SLC22A7: variants seen among roughly 807,000 people sequenced by gnomAD.
SLC22A7 encodes the protein solute carrier family 22 member 7, also known as hOAT2.
In SLC22A7, 48 loss-of-function variants were observed where a neutral mutation model predicts 62.2. The observed-to-expected ratio is 0.77, with a 90% CI of 0.61 to 0.98. The LOEUF (loss-of-function observed/expected upper bound fraction) is 0.98, where lower values mean the gene tolerates loss of function less well. Ranked by LOEUF, SLC22A7 falls within the 50% of genes least tolerant of loss-of-function variation. The pLI is 0.00. For missense variants in SLC22A7, 581 were observed against 703.8 expected, an observed-to-expected ratio of 0.83 and a Z score of 1.97; for synonymous variants, 276 against 314.8, an observed-to-expected ratio of 0.88 and a Z score of 1.30.
chr6:43,300,101 C>T (rs1209367841), intron 5 of SLC22A7, 35 bp downstream of exon 5: 2 of 1,605,110 alleles, frequency 1.2e-6, no homozygotes, highest in Non-Finnish European at 1.7e-6. Context: ...GCGGGAGATA[C>T]AGGAAGTGAA....
At chr6:43,303,288 C>T (rs914301287) in intron 9 of SLC22A7, 126 of 295,872 alleles carry the variant, frequency 4.3e-4, no homozygotes, top group African/African-American at 2.7e-3. Context: ...TGGTGAAACC[C>T]TGTCTCTGCT....
At position 43,302,536 on chromosome 6, in the gene SLC22A7, A is replaced by G; in HGVS notation, c.1277-119A>G. 2.5e-6 allele frequency: 3 copies of G among 1,177,462 alleles called. No individual in the cohort carries two copies. Among genetic ancestry groups the G allele is most frequent in the Non-Finnish European group, 3.6e-6 (3 of 829,932 alleles). 72.9% of individuals were successfully genotyped at this position (1,177,462 alleles called of 1,614,324 possible). A position where few individuals can be genotyped will look rare whatever the true frequency, so the allele number is the denominator to read the frequency against. On this transcript the variant is annotated intron_variant, in intron 8 of 10. Transcript: ENST00000372585. The surrounding 1 kb of genome is among the most constrained non-coding windows in gnomAD (Gnocchi z 5.0). ...CTCCCCCAGATCCCTGCTCTTACCCAGTGAGCTCAGACTCTCCACCACTTA... is the reference window on the plus strand; with the variant it reads ...CTCCCCCAGATCCCTGCTCTTACCCGGTGAGCTCAGACTCTCCACCACTTA...
At chr6:43,301,419 G>A (rs773094665) in intron 6 of SLC22A7, 161 bp downstream of exon 6, 2 of 1,140,776 alleles carry the variant, frequency 1.8e-6, no homozygotes, top group Non-Finnish European at 2.5e-6. Context: ...GGCTCCAGTG[G>A]GCCACATCCA....
intron 7 of SLC22A7, 76 bp downstream of exon 7, chr6:43,301,768 G>A (rs1354829839): frequency 2.9e-6 from 3 of 1,046,730 alleles, no homozygotes; most frequent in African/African-American, 3.1e-5. Flanking sequence ...CTGAGTGTGA[G>A]AAGGGCTCTG....
chr6:43,298,054 A>C, upstream of SLC22A7: 2 of 310,400 alleles, frequency 6.4e-6, no homozygotes, highest in Non-Finnish European at 1.2e-5. Flanking sequence ...TCACCCAGCT[A>C]CCTCATCATG....
intron 1 of SLC22A7, 93 bp downstream of exon 1, chr6:43,298,844 A>G: frequency 1.3e-6 from 2 of 1,491,992 alleles, no homozygotes; most frequent in Non-Finnish European, 1.8e-6. Flanking sequence ...GTATTACTTT[A>G]CCTCTTAAAG....
rs1374597772 is a variant in SLC22A7, at chr6:43,299,361, A to T, written c.400-29A>T. 6.2e-7 allele frequency: 1 copy of T among 1,612,908 alleles called. No homozygotes were observed. Among genetic ancestry groups the T allele is most frequent in the Admixed American group, 1.7e-5 (1 of 59,998 alleles). ...CTGCTGGAGAGGGGCTGATGTTCATAGGAGGTCCCTTTCTGCCTGTCCTTG... is the reference window on the plus strand; with the variant it reads ...CTGCTGGAGAGGGGCTGATGTTCATTGGAGGTCCCTTTCTGCCTGTCCTTG... On this transcript the variant is annotated intron_variant, in intron 2 of 10. Coordinates refer to ENST00000372585, the MANE Select transcript of SLC22A7 (RefSeq NM_153320.2). The surrounding 1 kb of genome is among the most constrained non-coding windows in gnomAD (Gnocchi z 4.4).
chr6:43,304,067 T>C lies in SLC22A7; in HGVS notation c.1415T>C (p.Val472Ala), dbSNP rs768983831. ...ACAGGGATGGGGCTGACTGCACTGG[T>C]GGGCCGGCTGGGGGGCTCTTTGGCC... ...RQTGMGLTAL[V>A]GRLGGSLAPL... The change falls in exon 10 of 11, where the codon GTG (valine) becomes GCG (alanine). Residue 472 changes from valine (V) to alanine (A), a missense_variant. Val to Ala is a moderately conservative substitution (Grantham distance 64). Transcript: ENST00000372585. The C allele has an allele frequency of 1.3e-6, 2 of 1,588,268 alleles. No homozygotes were observed. Among genetic ancestry groups the C allele is most frequent in the Non-Finnish European group, 8.6e-7 (1 of 1,165,794 alleles).
intron 5 of SLC22A7, 93 bp from the exon 6 acceptor site, chr6:43,301,042 A>C: frequency 6.6e-7 from 1 of 1,524,320 alleles, no homozygotes; most frequent in East Asian, 2.3e-5. Flanking sequence ...CTACATGAGC[A>C]AGAGCCTGGA....
chr6:43,304,819 C>A lies in SLC22A7; in HGVS notation c.*94C>A. The A allele has an allele frequency of 9.7e-7, 1 of 1,031,694 alleles. No homozygotes were observed. The highest frequency in any genetic ancestry group is 1.4e-6 in the Non-Finnish European group (1 of 722,234). The allele number at this position is 1,031,694 out of a possible 1,614,324, so 63.9% of individuals were successfully genotyped here. A position where few individuals can be genotyped will look rare whatever the true frequency, so the allele number is the denominator to read the frequency against. On this transcript the variant is annotated 3_prime_UTR_variant, in exon 11 of 11. Coordinates refer to ENST00000372585, the MANE Select transcript of SLC22A7 (RefSeq NM_153320.2). Reference sequence around the variant, plus strand: ...TGCAACTCAGGCTGGGAGTATCGAACCCTCTGCCTAGGGCCGGAGTTGCTG... The same window carrying A: ...TGCAACTCAGGCTGGGAGTATCGAAACCTCTGCCTAGGGCCGGAGTTGCTG...
In SLC22A7 at chr6:43,298,443, GTGC is replaced by G; in HGVS notation, c.90_92del (p.Leu31del). 6.2e-7 allele frequency: 1 copy of G among 1,614,006 alleles called. No individual in the cohort carries two copies. The highest frequency in any genetic ancestry group is 8.5e-7 in the Non-Finnish European group (1 of 1,180,032). Reference sequence around the variant, plus strand: ...TGTGGCACTGCTGGCCCTGCCCCGAGTGCTGCTACCACTGCACTTCCTCCTGCC... The same window carrying G: ...TGTGGCACTGCTGGCCCTGCCCCGAGTGCTACCACTGCACTTCCTCCTGCC... On this transcript the variant is annotated inframe_deletion, in exon 1 of 11. Transcript: ENST00000372585.
intron 10 of SLC22A7, 27 bp from the exon 11 acceptor site, chr6:43,304,644 C>T (rs1398471730): frequency 6.2e-7 from 1 of 1,600,300 alleles, no homozygotes; most frequent in Non-Finnish European, 8.5e-7. Flanking sequence ...TAAACCCCAC[C>T]ATTGCTCACA....
In SLC22A7 at chr6:43,302,673, C is replaced by G; in HGVS notation, c.1295C>G (p.Thr432Ser). The G allele has an allele frequency of 6.2e-7, 1 of 1,604,370 alleles. No homozygotes were observed. Among genetic ancestry groups the G allele is most frequent in the South Asian group, 1.1e-5 (1 of 89,444 alleles). The change falls in exon 9 of 11, where the codon ACT (threonine) becomes AGT (serine). Residue 432 changes from threonine (T) to serine (S), a missense_variant. Thr to Ser is a moderately conservative substitution (Grantham distance 58). Transcript: ENST00000372585. The surrounding 1 kb of genome is among the most constrained non-coding windows in gnomAD (Gnocchi z 5.0). ...CCTCCAGATATGAAGTCCTGGAGCA[C>G]TGTCCTGGCAGTGATGGGGAAAGCT... ...LVSSDMKSWS[T>S]VLAVMGKAFS...
At position 43,302,752 on chromosome 6, in the gene SLC22A7, T is replaced by C; in HGVS notation, c.1374T>C (p.Pro458=). 6 of 1,607,136 alleles carry C rather than the reference T, an allele frequency of 3.7e-6. No homozygotes were observed. Among genetic ancestry groups the C allele is most frequent in the South Asian group, 2.2e-5 (2 of 89,852 alleles). The stretch of plus-strand genomic sequence containing the variant: ...ACCTGTTCACTTCAGAGTTGTACCC[T>C]ACGGTGCTCAGGTGAGGAAGCCTGC... ...TAYLFTSELY[P]TVLRQTGMGL... Residue 458 remains proline, a synonymous_variant, in exon 9 of 11, where the codon CCT becomes CCC. Coordinates refer to ENST00000372585, the MANE Select transcript of SLC22A7 (RefSeq NM_153320.2). The surrounding 1 kb of genome is among the most constrained non-coding windows in gnomAD (Gnocchi z 5.0).
In SLC22A7 at chr6:43,298,430, G is replaced by A; in HGVS notation, c.72G>A (p.Leu24=). The A allele has an allele frequency of 6.2e-7, 1 of 1,614,078 alleles. No individual in the cohort carries two copies. Among genetic ancestry groups the A allele is most frequent in the African/African-American group, 1.3e-5 (1 of 75,048 alleles). ...TCCAACTGCGGAATGTGGCACTGCT[G>A]GCCCTGCCCCGAGTGCTGCTACCAC... is the stretch of plus-strand genomic sequence containing the variant. ...GPFQLRNVAL[L]ALPRVLLPLH... The change falls in exon 1 of 11, where the codon CTG becomes CTA. Residue 24 remains leucine, a synonymous_variant. Coordinates refer to ENST00000372585, the MANE Select transcript of SLC22A7 (RefSeq NM_153320.2).
chr6:43,296,574 G>A (rs1027238011), upstream of SLC22A7, among the ~76,000 whole-genome samples: 5 of 152,240 alleles, frequency 3.3e-5, no homozygotes, highest in Non-Finnish European at 5.9e-5. Context: ...GATGAGAAGG[G>A]TGGAGGTGTC....
At chr6:43,301,774 C>A in intron 7 of SLC22A7, 82 bp downstream of exon 7, 1 of 957,922 alleles carries the variant, frequency 1.0e-6, no homozygotes, top group Non-Finnish European at 1.6e-6. Flanking sequence ...GTGAGAAGGG[C>A]TCTGAGGGAC....
chr6:43,298,710 G>A lies in SLC22A7; in HGVS notation c.352G>A (p.Glu118Lys). ...CACAGTGCCCTGCTCTCAGGGCTGG[G>A]AGTACGACCACTCAGAATTCTCCTC... is the stretch of plus-strand genomic sequence containing the variant. ...PATVPCSQGW[E>K]YDHSEFSSTI... Residue 118 changes from glutamate (E) to lysine (K), a missense_variant, in exon 1 of 11, where the codon GAG becomes AAG. By Grantham distance (56) the Glu-to-Lys change is moderately conservative (BLOSUM62 1). Coordinates refer to ENST00000372585, the MANE Select transcript of SLC22A7 (RefSeq NM_153320.2). 6.5e-7 allele frequency: 1 copy of A among 1,527,484 alleles called. No individual in the cohort carries two copies. Among genetic ancestry groups the A allele is most frequent in the Non-Finnish European group, 8.8e-7 (1 of 1,138,588 alleles). The allele number at this position is 1,527,484 out of a possible 1,614,324, so 94.6% of individuals were successfully genotyped here. A position where few individuals can be genotyped will look rare whatever the true frequency, so the allele number is the denominator to read the frequency against.
At chr6:43,298,139 C>T, upstream of SLC22A7, 1 of 541,908 alleles carries the variant, frequency 1.8e-6, no homozygotes, top group Admixed American at 3.4e-5. Flanking sequence ...GATGGCTTCC[C>T]CTTCCCCCAG....
Sources: gnomAD v4.1 joint callset for allele counts (sites outside exome capture counted in the v4.1 genomes callset) on GRCh38, gnomAD v4.1.1 for gene constraint, Gnocchi (gnomAD v3.1) non-coding constraint, MANE v1.5 for transcripts, NCBI Gene and HGNC (gene_info 2026-07-23, HGNC 2026-07-21) for gene names.